The following ABCA1 variants were observed in gnomAD, a reference collection of about 807,000 sequenced individuals.
ABCA1 encodes the protein phospholipid-transporting ATPase ABCA1.
In ABCA1, 133 loss-of-function variants were observed where a neutral mutation model predicts 262.5. The observed-to-expected ratio is 0.51, with a 90% CI of 0.44 to 0.59. ABCA1 has a LOEUF of 0.59. Among genes scored for constraint, ABCA1 ranks in the 20% least tolerant of loss-of-function variants. ABCA1 has a pLI of 0.00. For synonymous variants in ABCA1, 1,022 were observed against 1,043.5 expected (o/e 0.98, Z 0.40); for missense variants, 2,452 against 2,777.5 (o/e 0.88, Z 2.63).
Position 104,884,357 on chromosome 9 carries a change from C to T in ABCA1, c.302+70G>A, listed in dbSNP as rs2119175983. 8 of 1,594,882 alleles carry T rather than the reference C, an allele frequency of 5.0e-6. 1 individual carries two copies. The South Asian group carries it at 8.9e-5, about 18-fold the overall frequency. ...CTTAAATCCAGCCATTCAAAATTCT[C>T]CAGAGGACAAGAAAGGAAGGAAAAG... is the stretch of plus-strand genomic sequence containing the variant. On this transcript the variant is annotated intron_variant, in intron 4 of 49. Transcript: ENST00000374736.
Position 104,827,138 on chromosome 9 carries a change from C to G in ABCA1, c.2147G>C (p.Ser716Thr). 6 of 1,614,180 alleles carry G rather than the reference C, an allele frequency of 3.7e-6. No individual in the cohort carries two copies. Among genetic ancestry groups the G allele is most frequent in the Non-Finnish European group, 5.1e-6 (6 of 1,180,018 alleles). The change falls in exon 16 of 50, where the codon AGC becomes ACC. Residue 716 changes from serine (S) to threonine (T), a missense_variant. This residue lies in a region of ABCA1 where 1,032 missense variants were observed against 1,089.7 expected (regional missense o/e 0.95). Transcript: ENST00000374736. The part of the protein sequence containing the change: ...LGNLLPYSDP[S>T]VVFVFLSVFA... ...CACGGACAGGAAGACAAACACCACG[C>G]TGGGATCACTGTAGGGCAGCAGGTT...
intron 11 of ABCA1, among the ~76,000 whole-genome samples, chr9:104,836,195 C>A (rs962180456): frequency 1.3e-5 from 2 of 152,174 alleles, no homozygotes; most frequent in Admixed American, 6.5e-5. Context: ...TCCTAAACTT[C>A]GGAAGTGTTC....
intron 14 of ABCA1, 34 bp downstream of exon 14, chr9:104,830,891 A>G: frequency 6.2e-7 from 1 of 1,612,640 alleles, no homozygotes; most frequent in South Asian, 1.1e-5. Flanking sequence ...CACAGTATAA[A>G]CTGGTTAAAA....
At chr9:104,877,959 C>A (rs955657985) in intron 5 of ABCA1, among the ~76,000 whole-genome samples, 1 of 152,194 alleles carries the variant, frequency 6.6e-6, no homozygotes, top group African/African-American at 2.4e-5. Context: ...TGTTGAACAT[C>A]CTCCTAAGCA....
chr9:104,807,306 C>T (rs1419290688), intron 30 of ABCA1, among the ~76,000 whole-genome samples: 1 of 152,084 alleles, frequency 6.6e-6, no homozygotes, highest in Non-Finnish European at 1.5e-5. Flanking sequence ...ACAAATTTTC[C>T]CTGGAGATAA....
At chr9:104,896,509 TAATA>T (rs1371414805) in intron 2 of ABCA1, among the ~76,000 whole-genome samples, 1 of 151,990 alleles carries the variant, frequency 6.6e-6, no homozygotes, top group Non-Finnish European at 1.5e-5. Flanking sequence ...CTTGATAAGG[TAATA>T]ACATTCAATG....
At chr9:104,835,238 ACT>A (rs1012386483) in intron 11 of ABCA1, among the ~76,000 whole-genome samples, 45 of 142,698 alleles carry the variant, frequency 3.2e-4, no homozygotes, top group Non-Finnish European at 5.6e-4. Flanking sequence ...ACAGAGCAAG[ACT>A]CTGTCCAAAA....
chr9:104,869,578 G>A (rs1837415565), intron 5 of ABCA1, among the ~76,000 whole-genome samples: 1 of 152,178 alleles, frequency 6.6e-6, no homozygotes, highest in African/African-American at 2.4e-5. Flanking sequence ...CAATAGCTGA[G>A]CACTCTCTGG....
At chr9:104,923,537 T>C (rs963346705) in intron 1 of ABCA1, among the ~76,000 whole-genome samples, 1 of 152,226 alleles carries the variant, frequency 6.6e-6, no homozygotes, top group Non-Finnish European at 1.5e-5. Flanking sequence ...ATAAGGATTA[T>C]AGCAGATGAA....
intron 29 of ABCA1, 64 bp from the exon 30 acceptor site, chr9:104,809,628 A>C (rs1033453493): frequency 1.4e-6 from 2 of 1,411,300 alleles, no homozygotes; most frequent in Non-Finnish European, 2.0e-6. Context: ...AGAGATAAAA[A>C]TGTTTTTATA....
At chr9:104,850,210 C>A (rs533459555) in intron 7 of ABCA1, among the ~76,000 whole-genome samples, 4 of 152,164 alleles carry the variant, frequency 2.6e-5, no homozygotes, top group African/African-American at 4.8e-5. Context: ...CAACCTCCCC[C>A]TCCTGGGTTC....
intron 32 of ABCA1, 129 bp from the exon 33 acceptor site, chr9:104,803,445 CTTGTAGGG>C: frequency 1.0e-6 from 1 of 960,750 alleles, no homozygotes; most frequent in Non-Finnish European, 1.7e-6. Flanking sequence ...ATCAGCTGGC[CTTGTAGGG>C]TTGTGCTAGA....
Position 104,845,458 on chromosome 9 carries a change from C to G in ABCA1, c.813+19G>C. 6.3e-7 allele frequency: 1 copy of G among 1,588,788 alleles called. No homozygotes were observed. The highest frequency in any genetic ancestry group is 1.1e-5 in the South Asian group (1 of 90,328). The stretch of plus-strand genomic sequence containing the variant: ...ACAGTGGATGATCCGCTTCCTGGTA[C>G]TGGAAAGACACAACTTACCTCCTGG... On this transcript the variant is annotated intron_variant, in intron 8 of 49. Transcript: ENST00000374736.
intron 10 of ABCA1, 26 bp downstream of exon 10, chr9:104,837,402 G>C: frequency 4.3e-6 from 7 of 1,613,818 alleles, no homozygotes; most frequent in East Asian, 2.2e-5. Flanking sequence ...TTCTGGGGAG[G>C]GAGTCTTGGG....
chr9:104,879,722 T>C (rs1251588970), intron 5 of ABCA1, among the ~76,000 whole-genome samples: 1 of 152,218 alleles, frequency 6.6e-6, no homozygotes, highest in Non-Finnish European at 1.5e-5. Flanking sequence ...GTGACGTGAA[T>C]GCCAAAATGC....
intron 7 of ABCA1, among the ~76,000 whole-genome samples, chr9:104,853,478 A>C (rs1835559079): frequency 6.6e-6 from 1 of 152,224 alleles, no homozygotes; most frequent in Non-Finnish European, 1.5e-5. Context: ...GGACCTACAA[A>C]GAATTCCTCA....
At chr9:104,788,933 A>G (rs899788742) in intron 44 of ABCA1, among the ~76,000 whole-genome samples, 1 of 152,216 alleles carries the variant, frequency 6.6e-6, no homozygotes, top group Non-Finnish European at 1.5e-5. Flanking sequence ...ACTCATATGC[A>G]CCATTCACAT....
At chr9:104,856,383 G>C (rs988589899) in intron 7 of ABCA1, among the ~76,000 whole-genome samples, 7 of 152,140 alleles carry the variant, frequency 4.6e-5, no homozygotes, top group Admixed American at 4.6e-4. Flanking sequence ...ACAAACCCGA[G>C]ATATGCAGAA....
At chr9:104,907,329 G>A (rs76682344) in intron 1 of ABCA1, among the ~76,000 whole-genome samples, 2,294 of 152,254 alleles carry the variant, frequency 0.015, 62 homozygotes, top group African/African-American at 0.053. Context: ...CAACTGACAC[G>A]TGGGTTCAGA....
Sources: allele counts gnomAD v4.1 joint callset (sites outside exome capture counted in the v4.1 genomes callset), GRCh38; gene constraint gnomAD v4.1.1; regional missense constraint gnomAD v4.1.1; transcripts MANE v1.5; gene names NCBI Gene and HGNC (gene_info 2026-07-23, HGNC 2026-07-21).